LRRTM4: variants seen among roughly 807,000 people sequenced by gnomAD.
LRRTM4 encodes leucine rich repeat transmembrane neuronal 4.
In LRRTM4, 25 loss-of-function variants were observed where a neutral mutation model predicts 47.6. That is an observed-to-expected ratio of 0.53 (90% confidence interval 0.38 to 0.73). The LOEUF is 0.73. Among genes scored for constraint, LRRTM4 ranks in the 30% least tolerant of loss-of-function variants. The probability of loss-of-function intolerance (pLI) is 0.00; values close to 1 mark genes in which losing one functional copy is unlikely to be tolerated. For synonymous variants in LRRTM4, 311 were observed against 269.5 expected (o/e 1.15, Z -1.51); for missense variants, 638 against 713.4 (o/e 0.89, Z 1.20).
rs374819801 is a variant in LRRTM4 at position 77,416,519 on chromosome 2, G to A, written c.1551+101799C>T. On this transcript the variant is annotated intron_variant, in intron 3 of 3. Coordinates refer to ENST00000409884, the MANE Select transcript of LRRTM4 (RefSeq NM_001134745.3). ...GCTACTATTAGAAAGATTGATAATCGCCCAACATTAAAATGGCTACAAATT... is the reference window on the plus strand; with the variant it reads ...GCTACTATTAGAAAGATTGATAATCACCCAACATTAAAATGGCTACAAATT... 2.9e-4 allele frequency among the ~76,000 whole-genome samples: 44 copies of A among 151,922 alleles called. No individual in the cohort carries two copies. The East Asian group carries it at 5.6e-3, about 19-fold the overall frequency.
chr2:76,869,821 TAAC>T (rs1340908686), intron 3 of LRRTM4, among the ~76,000 whole-genome samples: 1 of 152,120 alleles, frequency 6.6e-6, no homozygotes, highest in Admixed American at 6.6e-5. Flanking sequence ...TTGTAGGAGA[TAAC>T]AACATACAAA....
At chr2:77,313,329 C>A (rs113819668) in intron 3 of LRRTM4, among the ~76,000 whole-genome samples, 8 of 146,068 alleles carry the variant, frequency 5.5e-5, no homozygotes, top group South Asian at 2.2e-4. Context: ...TGCCCCCCTA[C>A]CTTTTCCTGG....
chr2:76,893,921 T>C (rs1039004706), intron 3 of LRRTM4, among the ~76,000 whole-genome samples: 1 of 151,908 alleles, frequency 6.6e-6, no homozygotes, highest in Non-Finnish European at 1.5e-5. Flanking sequence ...TCACTTTTCA[T>C]AGCATACAAG....
chr2:77,363,330 A>G (rs1453576479), intron 3 of LRRTM4, among the ~76,000 whole-genome samples: 2 of 152,244 alleles, frequency 1.3e-5, no homozygotes, highest in Non-Finnish European at 2.9e-5. Flanking sequence ...AATAGGAGGT[A>G]AGGAAAACAA....
intron 3 of LRRTM4, among the ~76,000 whole-genome samples, chr2:77,006,305 G>A (rs1451728532): frequency 1.3e-5 from 2 of 152,052 alleles, no homozygotes; most frequent in East Asian, 3.9e-4. Flanking sequence ...TCGAACCTAA[G>A]CCTTTAAGAA....
chr2:77,082,579 ACTG>A (rs1289039524), intron 3 of LRRTM4, among the ~76,000 whole-genome samples: 2 of 152,122 alleles, frequency 1.3e-5, no homozygotes, highest in Non-Finnish European at 2.9e-5. Flanking sequence ...AATGCAGAAA[ACTG>A]CTGTTAGCTT....
At chr2:77,287,754 G>A (rs180706343) in intron 3 of LRRTM4, among the ~76,000 whole-genome samples, 1 of 152,226 alleles carries the variant, frequency 6.6e-6, no homozygotes, top group East Asian at 1.9e-4. Context: ...TGTTATAATT[G>A]TCCTATCTTA....
intron 3 of LRRTM4, among the ~76,000 whole-genome samples, chr2:76,958,141 C>G (rs1675736803): frequency 6.6e-6 from 1 of 151,682 alleles, no homozygotes; most frequent in Non-Finnish European, 1.5e-5. Flanking sequence ...CCCAGCTTTC[C>G]CTTAGTTTGA....
chr2:76,971,724 C>A lies in LRRTM4; in HGVS notation c.1552-222808G>T, dbSNP rs77633745. Among the ~76,000 whole-genome samples, 1,500 of 151,990 alleles carry A rather than the reference C, an allele frequency of 9.9e-3. 24 individuals are homozygous for A. The highest frequency in any genetic ancestry group is 0.035 in the African/African-American group (1,451 of 41,494). On this transcript the variant is annotated intron_variant, in intron 3 of 3. Coordinates refer to ENST00000409884, the MANE Select transcript of LRRTM4 (RefSeq NM_001134745.3). ...TATTAATTGTATTTAAAAGTATTTA[C>A]AAATATTTGCAAAAATTCAGTGATA...
intron 3 of LRRTM4, among the ~76,000 whole-genome samples, chr2:77,119,654 TAAC>T (rs1671476022): frequency 2.0e-5 from 3 of 151,946 alleles, no homozygotes; most frequent in East Asian, 3.9e-4. Flanking sequence ...ATTCAAATGA[TAAC>T]AAAATCATTT....
chr2:77,081,434 G>C (rs1680529090), intron 3 of LRRTM4, among the ~76,000 whole-genome samples: 1 of 151,806 alleles, frequency 6.6e-6, no homozygotes, highest in South Asian at 2.1e-4. Context: ...TTGGAACATA[G>C]AAAGTTAATG....
chr2:77,009,921 C>A (rs1446749994), intron 3 of LRRTM4: 1 of 151,640 alleles, frequency 6.6e-6, no homozygotes, highest in African/African-American at 2.4e-5. Flanking sequence ...GGACAGTGTA[C>A]CGACAGTCTT....
At chr2:76,813,259 C>T (rs1403917867) in intron 3 of LRRTM4, among the ~76,000 whole-genome samples, 1 of 152,162 alleles carries the variant, frequency 6.6e-6, no homozygotes, top group Non-Finnish European at 1.5e-5. Context: ...AATCACCCCA[C>T]TGGGGAATTG....
At chr2:76,844,350 T>C (rs185811885) in intron 3 of LRRTM4, among the ~76,000 whole-genome samples, 1,575 of 152,218 alleles carry the variant, frequency 0.01, 14 homozygotes, top group Middle Eastern at 0.041. Flanking sequence ...TCGGCCAGGA[T>C]GGTCTCAATC....
chr2:76,782,138 A>C (rs762599991), intron 3 of LRRTM4, among the ~76,000 whole-genome samples: 9 of 152,214 alleles, frequency 5.9e-5, no homozygotes, highest in Non-Finnish European at 1.0e-4. Context: ...CACCCGCATA[A>C]AAGCTCCACT....
intron 3 of LRRTM4, among the ~76,000 whole-genome samples, chr2:77,468,825 T>G (rs1289485850): frequency 2.0e-5 from 3 of 152,330 alleles, no homozygotes; most frequent in East Asian, 3.9e-4. Context: ...AAGTTCCACA[T>G]GGATCCTTTT....
intron 3 of LRRTM4, among the ~76,000 whole-genome samples, chr2:76,943,750 C>T (rs1321535455): frequency 6.6e-6 from 1 of 152,172 alleles, no homozygotes; most frequent in Admixed American, 6.5e-5. Context: ...TACTTCTCCT[C>T]TATTATGCAT....
intron 3 of LRRTM4, among the ~76,000 whole-genome samples, chr2:77,382,205 ATAAAG>A (rs1296305841): frequency 1.3e-5 from 2 of 152,124 alleles, no homozygotes; most frequent in Admixed American, 6.6e-5. Flanking sequence ...TCTGCTAAAT[ATAAAG>A]TAAAGCATTG....
At chr2:76,866,652 C>G (rs1285902294) in intron 3 of LRRTM4, among the ~76,000 whole-genome samples, 1 of 152,094 alleles carries the variant, frequency 6.6e-6, no homozygotes, top group Non-Finnish European at 1.5e-5. Flanking sequence ...TTATACAAAT[C>G]AGCAAACAAG....
Sources: allele counts gnomAD v4.1 joint callset (sites outside exome capture counted in the v4.1 genomes callset), GRCh38; gene constraint gnomAD v4.1.1; transcripts MANE v1.5; gene names NCBI Gene and HGNC (gene_info 2026-07-23, HGNC 2026-07-21).